The following SCOC variants were observed in gnomAD, a reference collection of about 807,000 sequenced individuals.
SCOC encodes short coiled coil protein.
SCOC carries 7 observed loss-of-function variants against 9.9 expected under a neutral mutation model. That is an observed-to-expected ratio of 0.71 (90% CI 0.40 to 1.33). The LOEUF (loss-of-function observed/expected upper bound fraction) is 1.33. Among genes scored for constraint, SCOC ranks in the 40% most tolerant of loss-of-function variants. The probability of loss-of-function intolerance (pLI) is 0.01; values close to 1 mark genes in which losing one functional copy is unlikely to be tolerated. For missense variants in SCOC, 66 were observed against 89.7 expected, an observed-to-expected ratio of 0.74 and a Z score of 1.07; for synonymous variants, 19 against 28.2, an observed-to-expected ratio of 0.67 and a Z score of 1.03.
At chr4:140,280,002 A>G (rs1731063617) in intron 1 of SCOC, among the ~76,000 whole-genome samples, 1 of 152,036 alleles carries the variant, frequency 6.6e-6, no homozygotes, top group Non-Finnish European at 1.5e-5. Context: ...AAGGTTTTTT[A>G]TTTCCCTTTA....
intron 2 of SCOC, among the ~76,000 whole-genome samples, chr4:140,362,301 T>TCTTCTTCTCTTCTTC: frequency 3.4e-5 from 1 of 29,406 alleles, no homozygotes. Context: ...TTCTTCTTCT[T>TCTTCTTCTCTTCTTC]TTTTTTTTTT....
chr4:140,316,715 A>G (rs180932112), intron 1 of SCOC, among the ~76,000 whole-genome samples: 1 of 152,312 alleles, frequency 6.6e-6, no homozygotes, highest in East Asian at 1.9e-4. Flanking sequence ...AATTGAGGGC[A>G]TGCTGAATCC....
intron 1 of SCOC, among the ~76,000 whole-genome samples, chr4:140,333,256 T>C (rs2126497675): frequency 6.6e-6 from 1 of 152,268 alleles, no homozygotes; most frequent in South Asian, 2.1e-4. Flanking sequence ...CCCACACTCC[T>C]ATCACTCTCT....
At chr4:140,330,286 G>A (rs566414004) in intron 1 of SCOC, among the ~76,000 whole-genome samples, 7 of 152,192 alleles carry the variant, frequency 4.6e-5, no homozygotes, top group South Asian at 2.1e-4. Flanking sequence ...TGGACTTTGC[G>A]GACTTGGGAG....
chr4:140,301,198 C>A (rs889066983), intron 1 of SCOC, among the ~76,000 whole-genome samples: 1 of 152,026 alleles, frequency 6.6e-6, no homozygotes, highest in Admixed American at 6.6e-5. Flanking sequence ...GTATCTGAGG[C>A]GGAATGTACA....
rs1186996114 is a variant in SCOC, at chr4:140,356,306, AT to A, written c.70+12600del. Among the ~76,000 whole-genome samples, 5 of 152,224 alleles carry A rather than the reference AT, an allele frequency of 3.3e-5. No homozygotes were observed. In the East Asian group the frequency reaches 9.6e-4, roughly 29 times the overall value. On this transcript the variant is annotated intron_variant, in intron 2 of 4. Transcript: ENST00000338517. The stretch of plus-strand genomic sequence containing the variant: ...CCTGTGCTCTATCACTCCTGGATAC[AT>A]TAGTGTATATTTCTTACAAACGAAG...
intron 1 of SCOC, among the ~76,000 whole-genome samples, chr4:140,322,631 T>C (rs1732533020): frequency 6.6e-6 from 1 of 152,176 alleles, no homozygotes; most frequent in Non-Finnish European, 1.5e-5. Context: ...AGAAGTATTT[T>C]AGGATGCTAA....
At chr4:140,367,078 C>T (rs552742494) in intron 2 of SCOC, among the ~76,000 whole-genome samples, 2 of 151,900 alleles carry the variant, frequency 1.3e-5, no homozygotes, top group African/African-American at 4.8e-5. Flanking sequence ...TCATGGCAGG[C>T]ACCTGTAATT....
chr4:140,285,127 A>G (rs1022206276), intron 1 of SCOC: 2 of 454,000 alleles, frequency 4.4e-6, no homozygotes, highest in African/African-American at 2.0e-5. Context: ...CAAACTCATC[A>G]CGTCTCAAAG....
chr4:140,340,808 T>TTTGTTTTC (rs140552446), upstream of SCOC, among the ~76,000 whole-genome samples: 1 of 111,814 alleles, frequency 8.9e-6, no homozygotes, highest in Admixed American at 1.1e-4. Context: ...TTTTTTTTTT[T>TTTGTTTTC]AGAGGGATAG....
At chr4:140,336,468 AT>A (rs1732960673) in intron 1 of SCOC, among the ~76,000 whole-genome samples, 1 of 152,176 alleles carries the variant, frequency 6.6e-6, no homozygotes, top group Non-Finnish European at 1.5e-5. Flanking sequence ...TGTAAAAGGG[AT>A]CATAAAATAT....
At chr4:140,312,105 A>G (rs1465009562) in intron 1 of SCOC, among the ~76,000 whole-genome samples, 1 of 152,206 alleles carries the variant, frequency 6.6e-6, no homozygotes, top group Admixed American at 6.5e-5. Flanking sequence ...TTCTCCACCC[A>G]TACCATCTCC....
At chr4:140,364,437 A>G (rs992246053) in intron 2 of SCOC, among the ~76,000 whole-genome samples, 2 of 152,186 alleles carry the variant, frequency 1.3e-5, no homozygotes, top group African/African-American at 2.4e-5. Flanking sequence ...ATCTGCCTGA[A>G]CAGGTTTCTA....
At chr4:140,379,790 A>G (rs1043828313) in intron 3 of SCOC, 138 bp downstream of exon 3, 13 of 608,610 alleles carry the variant, frequency 2.1e-5, no homozygotes, top group African/African-American at 5.6e-5. Flanking sequence ...ATATATATCT[A>G]TCTTCCTGCT....
rs931550913 is a variant in SCOC at position 140,385,040 on chromosome 4, A to G, written c.*3936A>G. The G allele has an allele frequency of 6.6e-6, 1 of 152,232 alleles. No individual in the cohort carries two copies. The highest frequency in any genetic ancestry group is 2.4e-5 in the African/African-American group (1 of 41,462). The allele number at this position is 152,232 out of a possible 1,614,324, so 9.4% of individuals were successfully genotyped here. A position where few individuals can be genotyped will look rare whatever the true frequency, so the allele number is the denominator to read the frequency against. On this transcript the variant is annotated 3_prime_UTR_variant, in exon 4 of 4. Transcript: ENST00000608372. ...AAAACTGAGAAATAAATTTGTTTAT[A>G]AGCCACCCAGTCTATATTTTGTTAT...
At chr4:140,303,392 T>C (rs974461224) in intron 1 of SCOC, among the ~76,000 whole-genome samples, 1 of 151,984 alleles carries the variant, frequency 6.6e-6, no homozygotes, top group African/African-American at 2.4e-5. Flanking sequence ...TATATGAGAG[T>C]GGGAAAATGG....
At chr4:140,264,002 T>C (rs1271729625) in intron 1 of SCOC, among the ~76,000 whole-genome samples, 1 of 151,936 alleles carries the variant, frequency 6.6e-6, no homozygotes, top group African/African-American at 2.4e-5. Flanking sequence ...GGAGTGGTAA[T>C]TGTTTTGTTT....
chr4:140,360,602 A>AAC (rs1164259438), intron 2 of SCOC: 1 of 152,250 alleles, frequency 6.6e-6, no homozygotes, highest in Non-Finnish European at 1.5e-5. Context: ...GCGAAAAGGC[A>AAC]ATGTGGAAAT....
At chr4:140,267,620 G>A (rs576312999) in intron 1 of SCOC, among the ~76,000 whole-genome samples, 72 of 152,212 alleles carry the variant, frequency 4.7e-4, no homozygotes, top group Non-Finnish European at 9.0e-4. Flanking sequence ...TCCCAGCCGC[G>A]CACCTCTCCC....
Sources: allele counts gnomAD v4.1 joint callset (sites outside exome capture counted in the v4.1 genomes callset), GRCh38; gene constraint gnomAD v4.1.1; transcripts MANE v1.5; gene names NCBI Gene and HGNC (gene_info 2026-07-23, HGNC 2026-07-21).